Variants in RSBN1L observed in about 807,000 individuals in gnomAD.
RSBN1L encodes lysine-specific demethylase RSBN1L.
A neutral mutation model predicts 67.7 loss-of-function variants in RSBN1L; 30 were observed. The observed-to-expected ratio is 0.44, with a 90% CI of 0.33 to 0.60. The LOEUF (loss-of-function observed/expected upper bound fraction) is 0.60. RSBN1L is among the 20% of genes least tolerant of loss of function. The pLI, the probability that RSBN1L is intolerant of heterozygous loss-of-function variation, is 0.02. For synonymous variants in RSBN1L, 433 were observed against 387.0 expected (o/e 1.12, Z -1.39); for missense variants, 992 against 1,031.7 (o/e 0.96, Z 0.53).
At chr7:77,724,023 C>T (rs908266195) in intron 1 of RSBN1L, among the ~76,000 whole-genome samples, 2 of 152,018 alleles carry the variant, frequency 1.3e-5, no homozygotes, top group Non-Finnish European at 2.9e-5. Flanking sequence ...AGCTATCCTC[C>T]CACCTTGGCC....
chr7:77,713,775 G>A (rs1055110521), intron 1 of RSBN1L, among the ~76,000 whole-genome samples: 1 of 151,882 alleles, frequency 6.6e-6, no homozygotes, highest in African/African-American at 2.4e-5. Flanking sequence ...CTGTGTTGGA[G>A]TTATAGGTGT....
chr7:77,706,699 G>T (rs1191896877), intron 1 of RSBN1L, among the ~76,000 whole-genome samples: 2 of 152,138 alleles, frequency 1.3e-5, no homozygotes, highest in Non-Finnish European at 2.9e-5. Flanking sequence ...AGTAAATACT[G>T]TAAGTTTATT....
At chr7:77,747,416 G>A (rs1791498939) in intron 2 of RSBN1L, among the ~76,000 whole-genome samples, 1 of 152,180 alleles carries the variant, frequency 6.6e-6, no homozygotes, top group Non-Finnish European at 1.5e-5. Flanking sequence ...GTGGTTTCCT[G>A]GGCCAGGCCC....
rs557715302 is a variant in RSBN1L at position 77,723,071 on chromosome 7, G to T, written c.587-13339G>T. Reference sequence around the variant, plus strand: ...CAACCTCCGCCTCCTGGTTCAATCGGTTCTTGTGTCTCAGCCTTCCGAGTA... The same window carrying T: ...CAACCTCCGCCTCCTGGTTCAATCGTTTCTTGTGTCTCAGCCTTCCGAGTA... On this transcript the variant is annotated intron_variant, in intron 1 of 7. Coordinates refer to ENST00000334955, the MANE Select transcript of RSBN1L (RefSeq NM_198467.3). Among the ~76,000 whole-genome samples the T allele has an allele frequency of 8.3e-4, 125 of 151,438 alleles. 2 individuals are homozygous for T. The South Asian group carries it at 0.025, about 30-fold the overall frequency.
chr7:77,730,178 G>A (rs1366175247), intron 1 of RSBN1L, among the ~76,000 whole-genome samples: 2 of 151,920 alleles, frequency 1.3e-5, no homozygotes, highest in Non-Finnish European at 2.9e-5. Flanking sequence ...TGTATCATAG[G>A]TCTGTTTGCA....
intron 1 of RSBN1L, among the ~76,000 whole-genome samples, chr7:77,714,756 A>G (rs1791023740): frequency 6.6e-6 from 1 of 151,864 alleles, no homozygotes; most frequent in South Asian, 2.1e-4. Context: ...AGGTCAGGAG[A>G]TTGAGACCAT....
At chr7:77,763,707 T>G (rs1254062192) in intron 3 of RSBN1L, among the ~76,000 whole-genome samples, 1 of 152,230 alleles carries the variant, frequency 6.6e-6, no homozygotes, top group Admixed American at 6.5e-5. Context: ...TTGTTTGTTT[T>G]TTTGAGACAG....
chr7:77,752,224 G>GA (rs1172968788), intron 3 of RSBN1L, among the ~76,000 whole-genome samples: 2 of 152,148 alleles, frequency 1.3e-5, no homozygotes, highest in Non-Finnish European at 2.9e-5. Flanking sequence ...TTGCAAAGAG[G>GA]AAACTCCAGG....
rs542202063 is a variant in RSBN1L at position 77,722,821 on chromosome 7, G to C, written c.587-13589G>C. On this transcript the variant is annotated intron_variant, in intron 1 of 7. Coordinates refer to ENST00000334955, the MANE Select transcript of RSBN1L (RefSeq NM_198467.3). ...TTCAGTTCAGTTGATTTCATGGACT[G>C]CGTTATTATGGTGTGAATTATGGCT... 2.0e-5 allele frequency among the ~76,000 whole-genome samples: 3 copies of C among 152,112 alleles called. No homozygotes were observed. The East Asian group carries it at 5.8e-4, about 29-fold the overall frequency.
At chr7:77,698,073 A>G (rs1339422527) in intron 1 of RSBN1L, among the ~76,000 whole-genome samples, 1 of 152,380 alleles carries the variant, frequency 6.6e-6, no homozygotes, top group East Asian at 1.9e-4. Flanking sequence ...CAGTTTCAGC[A>G]TTGCTGATCT....
At chr7:77,726,776 A>ATTTT (rs35354992) in intron 1 of RSBN1L, among the ~76,000 whole-genome samples, 20 of 112,266 alleles carry the variant, frequency 1.8e-4, no homozygotes, top group South Asian at 3.0e-4. Context: ...CACCCAGCTA[A>ATTTT]TTTTTTTTTT....
At chr7:77,766,627 ATTAT>A (rs1330283367) in intron 4 of RSBN1L, among the ~76,000 whole-genome samples, 4 of 151,932 alleles carry the variant, frequency 2.6e-5, no homozygotes, top group Non-Finnish European at 4.4e-5. Context: ...GGTTAGGTTA[ATTAT>A]TTAATCAGTA....
intron 1 of RSBN1L, among the ~76,000 whole-genome samples, chr7:77,726,886 A>G (rs1233553735): frequency 7.0e-6 from 1 of 142,272 alleles, no homozygotes; most frequent in Non-Finnish European, 1.5e-5. Context: ...GGTTCAAGTG[A>G]TTCTCCCGCC....
Position 77,778,559 on chromosome 7 carries a change from G to T in RSBN1L, c.1932G>T (p.Leu644=). The T allele has an allele frequency of 6.2e-7, 1 of 1,613,284 alleles. No individual in the cohort carries two copies. Among genetic ancestry groups the T allele is most frequent in the South Asian group, 1.1e-5 (1 of 90,960 alleles). The change falls in exon 8 of 8, where the codon CTG becomes CTT. Residue 644 remains leucine, a synonymous_variant. Transcript: ENST00000334955. ...QCVQWVDDAK[L]NQLRREGIRY... is the part of the protein sequence containing the mutation. The stretch of plus-strand genomic sequence containing the variant: ...TCCAATGGGTTGATGATGCAAAACT[G>T]AATCAACTGAGGAGGGAAGGCATTC...
chr7:77,696,866 A>G lies in RSBN1L; in HGVS notation c.397A>G (p.Thr133Ala), dbSNP rs1790738320. The change falls in exon 1 of 8, where the codon ACG becomes GCG. Residue 133 changes from threonine (T) to alanine (A), a missense_variant. This residue lies in a region of RSBN1L where 575 missense variants were observed against 483.2 expected (regional missense o/e 1.19). Transcript: ENST00000334955. Reference protein sequence around the residue: ...PVPRKLLVPPTLLHAQPHHLL... With the variant: ...PVPRKLLVPPALLHAQPHHLL... ...GCCGCGCAAACTGCTGGTCCCTCCT[A>G]CGCTGCTGCACGCTCAGCCTCACCA... 1 of 1,610,706 alleles carries G rather than the reference A, an allele frequency of 6.2e-7. No individual in the cohort carries two copies.
intron 1 of RSBN1L, 36 bp from the exon 2 acceptor site, chr7:77,736,369 AATTTT>A: frequency 1.1e-6 from 1 of 905,630 alleles, no homozygotes; most frequent in Non-Finnish European, 1.5e-6. Flanking sequence ...ATGAAGTTGT[AATTTT>A]TTCATTTTAA....
At chr7:77,754,011 A>T (rs895172629) in intron 3 of RSBN1L, among the ~76,000 whole-genome samples, 7 of 152,156 alleles carry the variant, frequency 4.6e-5, no homozygotes, top group Non-Finnish European at 8.8e-5. Context: ...TTGTTTGTCT[A>T]ATTGTTACAG....
intron 1 of RSBN1L, among the ~76,000 whole-genome samples, chr7:77,731,236 C>T (rs1791267656): frequency 6.6e-6 from 1 of 151,892 alleles, no homozygotes; most frequent in Non-Finnish European, 1.5e-5. Flanking sequence ...TTTTTTGAGG[C>T]AGGGTCTCAC....
intron 1 of RSBN1L, among the ~76,000 whole-genome samples, chr7:77,703,970 G>C (rs529737138): frequency 3.9e-5 from 6 of 152,214 alleles, no homozygotes; most frequent in African/African-American, 1.4e-4. Context: ...CTCTTTTTGA[G>C]CTGATATACA....
Sources: allele counts gnomAD v4.1 joint callset (sites outside exome capture counted in the v4.1 genomes callset), GRCh38; gene constraint gnomAD v4.1.1; regional missense constraint gnomAD v4.1.1; transcripts MANE v1.5; gene names NCBI Gene and HGNC (gene_info 2026-07-23, HGNC 2026-07-21).